Variants in ZBTB20 observed in about 807,000 individuals in gnomAD.
ZBTB20 encodes the protein zinc finger and BTB domain-containing protein 20.
ZBTB20 carries 9 observed loss-of-function variants against 56.9 expected under a neutral mutation model. The observed-to-expected ratio is 0.16, with a 90% CI of 0.10 to 0.28. The LOEUF (loss-of-function observed/expected upper bound fraction) is 0.28, where lower values mean the gene tolerates loss of function less well. Ranked by LOEUF, ZBTB20 falls within the 10% of genes least tolerant of loss-of-function variation. The pLI is 1.00. For missense variants in ZBTB20, 655 were observed against 1,003.0 expected, an observed-to-expected ratio of 0.65 and a Z score of 4.69; for synonymous variants, 417 against 420.7, an observed-to-expected ratio of 0.99 and a Z score of 0.11.
intron 6 of ZBTB20, among the ~76,000 whole-genome samples, chr3:114,530,919 C>A (rs905410440): frequency 6.6e-6 from 1 of 152,144 alleles, no homozygotes; most frequent in Non-Finnish European, 1.5e-5. Flanking sequence ...TCCTCTTTCT[C>A]ATCTATTCTT....
intron 5 of ZBTB20, among the ~76,000 whole-genome samples, chr3:114,744,719 T>A (rs756346912): frequency 6.6e-6 from 1 of 152,158 alleles, no homozygotes; most frequent in African/African-American, 2.4e-5. Context: ...TGAATAGAAT[T>A]TGCATTTTAT....
chr3:114,715,679 T>C (rs193032045), intron 5 of ZBTB20, among the ~76,000 whole-genome samples: 26 of 152,346 alleles, frequency 1.7e-4, no homozygotes, highest in African/African-American at 6.0e-4. Flanking sequence ...TTCGTCTTGC[T>C]TCACTCAGCA....
At chr3:114,711,898 G>A (rs1041034619) in intron 5 of ZBTB20, among the ~76,000 whole-genome samples, 20 of 152,122 alleles carry the variant, frequency 1.3e-4, no homozygotes, top group African/African-American at 3.9e-4. Flanking sequence ...TTGACGATGC[G>A]CTATATAAAA....
chr3:114,548,835 C>T (rs1212495316), intron 6 of ZBTB20, among the ~76,000 whole-genome samples: 1 of 152,078 alleles, frequency 6.6e-6, no homozygotes, highest in Non-Finnish European at 1.5e-5. Flanking sequence ...TGGACTGTTT[C>T]TTAACATTAA....
At chr3:114,866,716 T>C (rs1285724990) in intron 4 of ZBTB20, among the ~76,000 whole-genome samples, 2 of 151,524 alleles carry the variant, frequency 1.3e-5, no homozygotes, top group Non-Finnish European at 2.9e-5. Flanking sequence ...GGAACATTCC[T>C]TTTTTTTTCC....
chr3:114,531,123 GA>G (rs1318315332), intron 6 of ZBTB20, among the ~76,000 whole-genome samples: 1 of 152,138 alleles, frequency 6.6e-6, no homozygotes, highest in African/African-American at 2.4e-5. Context: ...GGCATTTTAA[GA>G]AAATCTAAAT....
intron 7 of ZBTB20, among the ~76,000 whole-genome samples, chr3:114,393,548 G>A (rs1457594455): frequency 6.6e-6 from 1 of 152,064 alleles, no homozygotes; most frequent in East Asian, 1.9e-4. Flanking sequence ...GTACACACCT[G>A]AGCGTCTATT....
chr3:114,872,335 T>C (rs565547084), intron 4 of ZBTB20, among the ~76,000 whole-genome samples: 8 of 152,156 alleles, frequency 5.3e-5, no homozygotes, highest in Non-Finnish European at 8.8e-5. Context: ...ACAGGTCTGA[T>C]GTAGAAAACA....
chr3:114,684,917 G>T (rs1053272800), intron 6 of ZBTB20, among the ~76,000 whole-genome samples: 1 of 151,926 alleles, frequency 6.6e-6, no homozygotes, highest in Non-Finnish European at 1.5e-5. Context: ...GGACCATTTA[G>T]GCTCTATCAG....
At chr3:114,520,741 T>C (rs1006657285) in intron 6 of ZBTB20, among the ~76,000 whole-genome samples, 13 of 152,168 alleles carry the variant, frequency 8.5e-5, no homozygotes, top group Non-Finnish European at 1.5e-4. Flanking sequence ...TAACCCTTTA[T>C]ATCAAATGAA....
At chr3:114,673,917 C>T (rs1037548494) in intron 6 of ZBTB20, among the ~76,000 whole-genome samples, 1 of 152,102 alleles carries the variant, frequency 6.6e-6, no homozygotes, top group African/African-American at 2.4e-5. Context: ...CGGTTGCTTA[C>T]AATCTGCCTC....
intron 7 of ZBTB20, among the ~76,000 whole-genome samples, chr3:114,494,889 T>A (rs754071229): frequency 3.3e-5 from 5 of 152,234 alleles, no homozygotes; most frequent in Non-Finnish European, 7.3e-5. Context: ...GGAAAAGTGA[T>A]GCTATTTATG....
chr3:114,743,222 A>C (rs1178065509), intron 5 of ZBTB20, among the ~76,000 whole-genome samples: 1 of 152,138 alleles, frequency 6.6e-6, no homozygotes, highest in Non-Finnish European at 1.5e-5. Flanking sequence ...AAAGCTGTTC[A>C]TACCAAAGCT....
intron 5 of ZBTB20, among the ~76,000 whole-genome samples, chr3:114,705,924 G>A (rs1053197690): frequency 6.6e-6 from 1 of 152,126 alleles, no homozygotes. Flanking sequence ...CTCTTCATTT[G>A]TGAATTAAAT....
chr3:114,602,093 G>A (rs1641213584), intron 6 of ZBTB20, among the ~76,000 whole-genome samples: 1 of 151,990 alleles, frequency 6.6e-6, no homozygotes, highest in Non-Finnish European at 1.5e-5. Context: ...AGATTATCAT[G>A]CTGCATCTAT....
At chr3:114,986,697 G>A (rs2078560276) in intron 2 of ZBTB20, among the ~76,000 whole-genome samples, 1 of 152,034 alleles carries the variant, frequency 6.6e-6, no homozygotes, top group East Asian at 1.9e-4. Flanking sequence ...GTTTCTGGTT[G>A]ATAGCTACTT....
In ZBTB20 at chr3:114,584,526, T is replaced by TAA. The variant is rs540747173; in HGVS notation, c.-294-84137_-294-84136dup. 7.0e-5 allele frequency among the ~76,000 whole-genome samples: 10 copies of TAA among 142,306 alleles called. No homozygotes were observed. The Middle Eastern group carries it at 0.014, about 203-fold the overall frequency. The allele number at this position is 142,306 out of a possible 152,430, so 93.4% of individuals were successfully genotyped here. On this transcript the variant is annotated intron_variant, in intron 6 of 11. Transcript: ENST00000675478. The stretch of plus-strand genomic sequence containing the variant: ...CCAGGGACAATATCCCTAACTCTGT[T>TAA]AAAAAAAAAAAAAGGCTCTCTTCTC...
chr3:114,438,436 C>A (rs201870057), intron 7 of ZBTB20, among the ~76,000 whole-genome samples: 6,660 of 140,640 alleles, frequency 0.047, 208 homozygotes, highest in Admixed American at 0.062. Context: ...CAAAAAAAAC[C>A]AAAAAAAAAC....
chr3:114,406,283 T>C (rs1208132162), intron 7 of ZBTB20, among the ~76,000 whole-genome samples: 2 of 152,168 alleles, frequency 1.3e-5, no homozygotes, highest in African/African-American at 4.8e-5. Flanking sequence ...TAATTCTTTA[T>C]CATTTGAAAT....
Sources: allele counts gnomAD v4.1 joint callset (sites outside exome capture counted in the v4.1 genomes callset), GRCh38; gene constraint gnomAD v4.1.1; transcripts MANE v1.5; gene names NCBI Gene and HGNC (gene_info 2026-07-23, HGNC 2026-07-21).